Variants in TRIM16 observed in about 807,000 individuals in gnomAD.
The protein encoded by TRIM16 is tripartite motif-containing protein 16.
A neutral mutation model predicts 50.4 loss-of-function variants in TRIM16; 33 were observed. That is an observed-to-expected ratio of 0.65 (90% CI 0.50 to 0.88). TRIM16 has a LOEUF of 0.88. Ranked by LOEUF, TRIM16 falls within the 40% of genes least tolerant of loss-of-function variation. The pLI is 0.00. For missense variants in TRIM16, 581 were observed against 686.8 expected (o/e 0.85, Z 1.72); for synonymous variants, 229 against 270.7 (o/e 0.85, Z 1.51).
intron 6 of TRIM16, among the ~76,000 whole-genome samples, chr17:15,656,591 C>T (rs1041558901): frequency 5.1e-4 from 77 of 151,972 alleles, no homozygotes; most frequent in African/African-American, 1.5e-3. Context: ...CAAAATACCA[C>T]GCCTCCTCTC....
Position 15,651,421 on chromosome 17 carries a change from T to C in TRIM16, c.189A>G (p.Ala63=), listed in dbSNP as rs150907471. 2.5e-6 allele frequency: 4 copies of C among 1,614,052 alleles called. No homozygotes were observed. Among genetic ancestry groups the C allele is most frequent in the African/African-American group, 1.3e-5 (1 of 75,060 alleles). The change falls in exon 7 of 12, where the codon GCA becomes GCG. Residue 63 remains alanine, a synonymous_variant. Transcript: ENST00000649191. ...CCTCACCAGCAGGATCCCCCTGCTC[T>C]GCAGAGTCGCTGTCCTGTTCCTCCG... The part of the protein sequence containing the change: ...RETEEQDSDS[A]EQGDPAGEGK...
At chr17:15,672,731 TCAAA>T (rs747176468) in intron 6 of TRIM16, among the ~76,000 whole-genome samples, 4 of 152,042 alleles carry the variant, frequency 2.6e-5, no homozygotes, top group African/African-American at 4.8e-5. Context: ...AAACCCTGTC[TCAAA>T]CAAACAAACA....
intron 6 of TRIM16, among the ~76,000 whole-genome samples, chr17:15,661,695 A>G (rs553329066): frequency 6.1e-4 from 93 of 152,262 alleles, no homozygotes; most frequent in Non-Finnish European, 1.5e-4. Context: ...GTGTCCCTCT[A>G]ATGTTACTGA....
chr17:15,683,182 A>C (rs1989251664), intron 1 of TRIM16, 25 bp from the exon 2 acceptor site: 1 of 1,488,700 alleles, frequency 6.7e-7, no homozygotes, highest in African/African-American at 1.4e-5. Context: ...TCTGGATTGA[A>C]GTTTTCCCCT....
At chr17:15,655,670 G>A (rs933940831) in intron 6 of TRIM16, among the ~76,000 whole-genome samples, 4 of 152,026 alleles carry the variant, frequency 2.6e-5, no homozygotes, top group Admixed American at 2.0e-4. Context: ...TGCCTCCCGG[G>A]TTCATGCCAT....
chr17:15,674,963 G>A (rs1055366105), intron 6 of TRIM16, among the ~76,000 whole-genome samples: 5 of 151,926 alleles, frequency 3.3e-5, no homozygotes, highest in Admixed American at 6.6e-5. Flanking sequence ...AATTAGCTAT[G>A]AGCTTCTTTA....
chr17:15,651,201 G>A lies in TRIM16; in HGVS notation c.409C>T (p.Pro137Ser). 1 of 1,614,236 alleles carries A rather than the reference G, an allele frequency of 6.2e-7. No homozygotes were observed. The highest frequency in any genetic ancestry group is 1.7e-5 in the Admixed American group (1 of 60,032). ...TCAGGGCAGCAGAAGGCAGACAGTG[G>A]GCTGTGGTGGGCAGGGCAGTATCGC... ...NWRYCPAHHS[P>S]LSAFCCPDQQ... The change falls in exon 7 of 12, where the codon CCA becomes TCA. Residue 137 changes from proline (P) to serine (S), a missense_variant. By Grantham distance (74) the Pro-to-Ser change is moderately conservative. Around this residue, in one of 3 missense-constraint regions of TRIM16, gnomAD observed 450 missense variants for 544.3 expected, o/e 0.83. Transcript: ENST00000649191.
At chr17:15,673,828 T>C (rs1426008050) in intron 6 of TRIM16, among the ~76,000 whole-genome samples, 2 of 152,212 alleles carry the variant, frequency 1.3e-5, no homozygotes, top group African/African-American at 4.8e-5. Context: ...TAACTTAATC[T>C]GGTGATAGTC....
intron 8 of TRIM16, among the ~76,000 whole-genome samples, chr17:15,637,249 C>T (rs1986829868): frequency 7.5e-6 from 1 of 134,152 alleles, no homozygotes; most frequent in South Asian, 2.5e-4. Context: ...CGGCCAGCCG[C>T]CCCGTCCGGG....
chr17:15,667,079 A>G (rs539411589), intron 6 of TRIM16, among the ~76,000 whole-genome samples: 1 of 152,256 alleles, frequency 6.6e-6, no homozygotes, highest in Non-Finnish European at 1.5e-5. Context: ...CATAAACTCC[A>G]GATACCTGCT....
intron 6 of TRIM16, among the ~76,000 whole-genome samples, chr17:15,661,613 C>T (rs1224950144): frequency 6.6e-6 from 1 of 152,124 alleles, no homozygotes; most frequent in Non-Finnish European, 1.5e-5. Flanking sequence ...AAATGGTGCC[C>T]AGGTTGCCTG....
At chr17:15,661,895 T>C (rs1988254685) in intron 6 of TRIM16, among the ~76,000 whole-genome samples, 1 of 152,162 alleles carries the variant, frequency 6.6e-6, no homozygotes, top group Admixed American at 6.5e-5. Context: ...CATTTTCCAT[T>C]AGGAGGCCCC....
At chr17:15,649,047 C>T (rs1307525267) in intron 7 of TRIM16, among the ~76,000 whole-genome samples, 3 of 151,388 alleles carry the variant, frequency 2.0e-5, no homozygotes, top group East Asian at 2.0e-4. Flanking sequence ...CAGAGTTCTG[C>T]GCGTGCTCTA....
At position 15,636,286 on chromosome 17, in the gene TRIM16, G is replaced by A. The variant is rs1986737007; in HGVS notation, c.616-17C>T. Reference sequence around the variant, plus strand: ...CACCGACACCTGGCAGGGGGTGGGGGTGGAAGGCAGCCAAACATTTCTTAG... The same window carrying A: ...CACCGACACCTGGCAGGGGGTGGGGATGGAAGGCAGCCAAACATTTCTTAG... On this transcript the variant is annotated splice_polypyrimidine_tract_variant and intron_variant, in intron 8 of 11. Transcript: ENST00000649191. 5 of 1,607,182 alleles carry A rather than the reference G, an allele frequency of 3.1e-6. No homozygotes were observed. The highest frequency in any genetic ancestry group is 4.2e-6 in the Non-Finnish European group (5 of 1,177,126).
In TRIM16 at chr17:15,683,125, T is replaced by C. The variant is rs751844543; in HGVS notation, c.-866A>G. ...TAGCAACCTTTCCGTTCTCCACGTA[T>C]CTTCCTGGAAATTGCCAGCATTCTA... is the stretch of plus-strand genomic sequence containing the variant. On this transcript the variant is annotated 5_prime_UTR_variant, in exon 2 of 12. Coordinates refer to ENST00000649191, the MANE Select transcript of TRIM16 (RefSeq NM_001348119.1). The C allele has an allele frequency of 1.4e-5, 22 of 1,550,280 alleles. No individual in the cohort carries two copies. Among genetic ancestry groups the C allele is most frequent in the South Asian group, 8.3e-5 (7 of 84,008 alleles).
intron 8 of TRIM16, among the ~76,000 whole-genome samples, chr17:15,637,623 G>C (rs1484781635): frequency 7.2e-6 from 1 of 139,554 alleles, no homozygotes; most frequent in African/African-American, 2.6e-5. Context: ...AGGGAGGTGG[G>C]GGGGGGTCAG....
At chr17:15,636,003 T>C (rs573940910) in intron 9 of TRIM16, 33 bp downstream of exon 9, 1 of 1,608,182 alleles carries the variant, frequency 6.2e-7, no homozygotes, top group East Asian at 2.3e-5. Context: ...ATGGGGCAGC[T>C]GTGGGATGCC....
chr17:15,645,056 C>T (rs1293355270), intron 7 of TRIM16, among the ~76,000 whole-genome samples: 2 of 152,128 alleles, frequency 1.3e-5, no homozygotes, highest in African/African-American at 4.8e-5. Flanking sequence ...CCTTGTGATC[C>T]GCCTGCCTTG....
At chr17:15,683,489 C>T in intron 1 of TRIM16, 1 of 185,886 alleles carries the variant, frequency 5.4e-6, no homozygotes, top group East Asian at 1.5e-4. Context: ...CCACTATGTG[C>T]TAGTTGGCTG....
Sources: allele counts gnomAD v4.1 joint callset (sites outside exome capture counted in the v4.1 genomes callset), GRCh38; gene constraint gnomAD v4.1.1; regional missense constraint gnomAD v4.1.1; transcripts MANE v1.5; gene names NCBI Gene and HGNC (gene_info 2026-07-23, HGNC 2026-07-21).